STARD13: variants seen among roughly 807,000 people sequenced by gnomAD.
STARD13 encodes StAR related lipid transfer domain containing 13.
Under a neutral mutation model 106.4 loss-of-function variants are expected in STARD13, and 62 were observed. The ratio of observed to expected loss-of-function variants is 0.58; its 90% CI spans 0.48 to 0.72. The LOEUF (loss-of-function observed/expected upper bound fraction) is 0.72, where lower values mean the gene tolerates loss of function less well. Ranked by LOEUF, STARD13 falls within the 30% of genes least tolerant of loss-of-function variation. STARD13 has a pLI of 0.00. For synonymous variants in STARD13, 565 were observed against 553.0 expected (o/e 1.02, Z -0.31); for missense variants, 1,387 against 1,424.0 (o/e 0.97, Z 0.42).
the STARD13 span, among the ~76,000 whole-genome samples, chr13:33,627,652 A>G: frequency 3.4e-5 from 5 of 145,444 alleles, no homozygotes; most frequent in East Asian, 6.1e-4. Context: ...AAAAAAAAAA[A>G]TGTTCTTTTC....
the STARD13 span, among the ~76,000 whole-genome samples, chr13:33,512,378 T>G: frequency 6.6e-6 from 1 of 152,188 alleles, no homozygotes; most frequent in Admixed American, 6.5e-5. Flanking sequence ...AATGCATAAC[T>G]AAAAGCTTTC....
chr13:33,519,262 T>A, the STARD13 span, among the ~76,000 whole-genome samples: 2 of 149,618 alleles, frequency 1.3e-5, no homozygotes, highest in South Asian at 4.3e-4. Flanking sequence ...CTTTCTTTCT[T>A]TCTTTCTTTC....
At chr13:33,254,224 G>A (rs1258584501) in intron 1 of STARD13, among the ~76,000 whole-genome samples, 2 of 152,200 alleles carry the variant, frequency 1.3e-5, no homozygotes, top group African/African-American at 2.4e-5. Context: ...GGTCAAGTCA[G>A]CGGCAAAGAG....
the STARD13 span, chr13:33,511,413 G>C: frequency 6.6e-6 from 1 of 152,026 alleles, no homozygotes; most frequent in Non-Finnish European, 1.5e-5. Flanking sequence ...AAAATCTGTA[G>C]GGAAAACAAA....
intron 1 of STARD13, among the ~76,000 whole-genome samples, chr13:33,189,554 T>A (rs1378349742): frequency 3.3e-5 from 5 of 151,788 alleles, no homozygotes; most frequent in Non-Finnish European, 5.9e-5. Flanking sequence ...GGAGTACTTC[T>A]GGACACTTCT....
chr13:33,197,607 C>A (rs1472901914), intron 1 of STARD13, among the ~76,000 whole-genome samples: 2 of 152,212 alleles, frequency 1.3e-5, no homozygotes, highest in Non-Finnish European at 2.9e-5. Flanking sequence ...GAGCCAATTC[C>A]ACTTCGGTCT....
the STARD13 span, among the ~76,000 whole-genome samples, chr13:33,616,495 T>C: frequency 6.6e-6 from 1 of 152,188 alleles, no homozygotes; most frequent in South Asian, 2.1e-4. Flanking sequence ...GTTTTGAGAA[T>C]TATCCATCTA....
chr13:33,207,870 C>T (rs895346798), intron 1 of STARD13, among the ~76,000 whole-genome samples: 5 of 152,158 alleles, frequency 3.3e-5, no homozygotes, highest in Admixed American at 2.6e-4. Context: ...GACCCTGCCC[C>T]GCCCACAAAA....
chr13:33,651,656 T>C, the STARD13 span, among the ~76,000 whole-genome samples: 1 of 152,240 alleles, frequency 6.6e-6, no homozygotes, highest in South Asian at 2.1e-4. Flanking sequence ...TGGTTAACAA[T>C]AGCTGTAAAT....
rs1883476861 is a variant in STARD13 at position 33,167,605 on chromosome 13, C to T, written c.187G>A (p.Ala63Thr). ...KIQQEIEAKE[A>T]CDWLRAAGFP... ...CCGGCAGCACGGAGCCAGTCACATG[C>T]TTCTTTTGCCTCAATTTCTGAAAAA... The change falls in exon 2 of 14, where the codon GCA becomes ACA. Residue 63 changes from alanine to threonine, a missense_variant. Transcript: ENST00000336934. The T allele has an allele frequency of 1.2e-6, 2 of 1,614,160 alleles. No homozygotes were observed. The highest frequency in any genetic ancestry group is 1.7e-6 in the Non-Finnish European group (2 of 1,180,012).
the STARD13 span, among the ~76,000 whole-genome samples, chr13:33,590,396 A>G: frequency 6.6e-6 from 1 of 152,198 alleles, no homozygotes; most frequent in Admixed American, 6.5e-5. Flanking sequence ...AGACACATGC[A>G]CACATATGTT....
the STARD13 span, among the ~76,000 whole-genome samples, chr13:33,667,872 A>G: frequency 6.6e-6 from 1 of 152,246 alleles, no homozygotes; most frequent in Non-Finnish European, 1.5e-5. Context: ...TCTGTACATC[A>G]TGAACCATAA....
At chr13:33,439,106 T>A in the STARD13 span, among the ~76,000 whole-genome samples, 2 of 152,230 alleles carry the variant, frequency 1.3e-5, no homozygotes, top group African/African-American at 4.8e-5. Context: ...TTTCAGAATG[T>A]CTTATCCATA....
chr13:33,419,654 G>A, the STARD13 span, among the ~76,000 whole-genome samples: 1 of 152,168 alleles, frequency 6.6e-6, no homozygotes, highest in Non-Finnish European at 1.5e-5. Flanking sequence ...ACACATAATT[G>A]TCAGATTCAC....
chr13:33,639,129 T>C, the STARD13 span, among the ~76,000 whole-genome samples: 1 of 152,046 alleles, frequency 6.6e-6, no homozygotes, highest in Admixed American at 6.6e-5. Flanking sequence ...AATGGACAAA[T>C]AAGATAATGC....
rs372178866 is a variant in STARD13 at position 33,106,969 on chromosome 13, C to T, written c.3048-35G>A. The T allele has an allele frequency of 1.1e-5, 17 of 1,580,882 alleles. No homozygotes were observed. The African/African-American group carries it at 1.5e-4, about 14-fold the overall frequency. Reference sequence around the variant, plus strand: ...AACAATCCGCACATCAGAGTCATGACTGAGGGAGGAAGAAGAACCTGAACA... The same window carrying T: ...AACAATCCGCACATCAGAGTCATGATTGAGGGAGGAAGAAGAACCTGAACA... On this transcript the variant is annotated intron_variant, in intron 12 of 13. Coordinates refer to ENST00000336934, the MANE Select transcript of STARD13 (RefSeq NM_178006.4).
At chr13:33,180,542 C>A (rs985981297) in intron 1 of STARD13, 2 of 152,116 alleles carry the variant, frequency 1.3e-5, no homozygotes, top group African/African-American at 4.8e-5. Context: ...AAATTGTGAG[C>A]AAGGGATATG....
the STARD13 span, among the ~76,000 whole-genome samples, chr13:33,500,453 A>T: frequency 6.6e-6 from 1 of 152,214 alleles, no homozygotes; most frequent in East Asian, 1.9e-4. Flanking sequence ...TATACTTATA[A>T]AAGTTTTCCT....
At chr13:33,371,377 A>G in the STARD13 span, among the ~76,000 whole-genome samples, 2 of 152,228 alleles carry the variant, frequency 1.3e-5, no homozygotes, top group South Asian at 4.1e-4. Flanking sequence ...ATTTCATACT[A>G]GACAGCATTT....
Sources: gnomAD v4.1 joint callset for allele counts (sites outside exome capture counted in the v4.1 genomes callset) on GRCh38, gnomAD v4.1.1 for gene constraint, MANE v1.5 for transcripts, NCBI Gene and HGNC (gene_info 2026-07-23, HGNC 2026-07-21) for gene names.